MAP2: variants seen among roughly 807,000 people sequenced by gnomAD.
The protein encoded by MAP2 is microtubule-associated protein 2.
Under a neutral mutation model 137.6 loss-of-function variants are expected in MAP2, and 14 were observed. The ratio of observed to expected loss-of-function variants is 0.10; its 90% CI spans 0.07 to 0.16. The LOEUF is 0.16. MAP2 is among the 10% of genes least tolerant of loss of function. The pLI is 1.00. For synonymous variants in MAP2, 786 were observed against 782.3 expected (o/e 1.00, Z -0.08); for missense variants, 2,088 against 2,191.5 (o/e 0.95, Z 0.94).
chr2:209,666,275 A>T (rs2046269149), intron 5 of MAP2, among the ~76,000 whole-genome samples: 1 of 150,486 alleles, frequency 6.6e-6, no homozygotes, highest in East Asian at 2.0e-4. Context: ...TAAGATATTT[A>T]TTTTCTCCAG....
chr2:209,573,441 G>A (rs2074774691), intron 2 of MAP2, among the ~76,000 whole-genome samples: 2 of 151,100 alleles, frequency 1.3e-5, no homozygotes, highest in Admixed American at 1.3e-4. Context: ...TTACAGGTGT[G>A]AGCCACCACA....
At chr2:209,469,648 C>G (rs1466463667) in intron 1 of MAP2, among the ~76,000 whole-genome samples, 1 of 152,122 alleles carries the variant, frequency 6.6e-6, no homozygotes, top group African/African-American at 2.4e-5. Flanking sequence ...ACCAGTCAAC[C>G]TCTCTGCCTT....
At chr2:209,666,771 T>A (rs2046497037) in intron 5 of MAP2, among the ~76,000 whole-genome samples, 1 of 152,010 alleles carries the variant, frequency 6.6e-6, no homozygotes, top group Non-Finnish European at 1.5e-5. Flanking sequence ...AATTTTATCA[T>A]CTTATGATGG....
chr2:209,563,325 G>A (rs2072607878), intron 2 of MAP2, among the ~76,000 whole-genome samples: 1 of 152,052 alleles, frequency 6.6e-6, no homozygotes, highest in Non-Finnish European at 1.5e-5. Flanking sequence ...AATGGCTGGT[G>A]CAAAAGTGAT....
At chr2:209,509,918 T>C (rs1471626910) in intron 2 of MAP2, among the ~76,000 whole-genome samples, 1 of 151,944 alleles carries the variant, frequency 6.6e-6, no homozygotes, top group Non-Finnish European at 1.5e-5. Context: ...CAGCATTTTT[T>C]TTCCTAGTGG....
chr2:209,649,381 T>C (rs1013703980), intron 4 of MAP2, among the ~76,000 whole-genome samples: 1 of 152,088 alleles, frequency 6.6e-6, no homozygotes, highest in African/African-American at 2.4e-5. Context: ...TAATATTACA[T>C]CAGGAAGAAG....
At chr2:209,679,307 C>A (rs1481239763) in intron 6 of MAP2, among the ~76,000 whole-genome samples, 1 of 151,016 alleles carries the variant, frequency 6.6e-6, no homozygotes, top group Non-Finnish European at 1.5e-5. Flanking sequence ...CAGCCAAAGC[C>A]TTGCTGCCCC....
rs1306644530 is a variant in MAP2 at position 209,596,256 on chromosome 2, A to G, written c.-107+16156A>G. Among the ~76,000 whole-genome samples the G allele has an allele frequency of 2.6e-5, 4 of 152,190 alleles. No individual in the cohort carries two copies. In the East Asian group the frequency reaches 5.8e-4, roughly 22 times the overall value. On this transcript the variant is annotated intron_variant, in intron 3 of 15. Transcript: ENST00000682079. ...TGGAAACCATTTGCGGATATGATAA[A>G]ATGTGTATTTTCCCTAAATTATTAA...
intron 3 of MAP2, among the ~76,000 whole-genome samples, chr2:209,581,894 C>G (rs949913633): frequency 6.6e-6 from 1 of 152,088 alleles, no homozygotes; most frequent in Non-Finnish European, 1.5e-5. Context: ...AAAAATTCAT[C>G]TAGCGGTATG....
chr2:209,574,305 A>T (rs1436164147), intron 2 of MAP2, among the ~76,000 whole-genome samples: 1 of 152,140 alleles, frequency 6.6e-6, no homozygotes, highest in Non-Finnish European at 1.5e-5. Flanking sequence ...TCTCACAAAT[A>T]AGTGAGATCA....
At chr2:209,660,385 A>ATTT (rs869139522) in intron 5 of MAP2, among the ~76,000 whole-genome samples, 7 of 64,212 alleles carry the variant, frequency 1.1e-4, no homozygotes, top group Admixed American at 2.6e-4. Flanking sequence ...TGTTGCTGCA[A>ATTT]TTTTTTTTTT....
intron 3 of MAP2, among the ~76,000 whole-genome samples, chr2:209,590,082 G>T (rs1437736943): frequency 6.6e-6 from 1 of 152,072 alleles, no homozygotes; most frequent in African/African-American, 2.4e-5. Context: ...GCCATGCTCA[G>T]TGCAGCGACC....
chr2:209,521,352 A>G (rs373240206), intron 2 of MAP2, among the ~76,000 whole-genome samples: 98 of 152,096 alleles, frequency 6.4e-4, no homozygotes, highest in African/African-American at 2.2e-3. Flanking sequence ...TAATTTCAAA[A>G]TACATCAATT....
At chr2:209,535,907 T>C (rs1296733266) in intron 2 of MAP2, among the ~76,000 whole-genome samples, 2 of 152,198 alleles carry the variant, frequency 1.3e-5, no homozygotes, top group Non-Finnish European at 2.9e-5. Flanking sequence ...TGGTATTAAA[T>C]AGGTCTTTGC....
intron 2 of MAP2, among the ~76,000 whole-genome samples, chr2:209,568,304 A>G (rs181478733): frequency 6.6e-6 from 1 of 152,120 alleles, no homozygotes; most frequent in East Asian, 1.9e-4. Flanking sequence ...CAAAATAAAT[A>G]TATGCATTTT....
chr2:209,581,794 T>C (rs2076477795), intron 3 of MAP2, among the ~76,000 whole-genome samples: 1 of 152,154 alleles, frequency 6.6e-6, no homozygotes, highest in Admixed American at 6.6e-5. Flanking sequence ...TAGGAACTAA[T>C]AAGTTCTGTT....
At chr2:209,612,482 G>A (rs370587015) in intron 3 of MAP2, among the ~76,000 whole-genome samples, 4 of 152,106 alleles carry the variant, frequency 2.6e-5, no homozygotes, top group Non-Finnish European at 4.4e-5. Flanking sequence ...AGAAAAGATC[G>A]TTCCTTTATG....
intron 3 of MAP2, among the ~76,000 whole-genome samples, chr2:209,622,788 T>C (rs2091514294): frequency 6.6e-6 from 1 of 152,152 alleles, no homozygotes; most frequent in Non-Finnish European, 1.5e-5. Context: ...AGAGTATGTA[T>C]CTCTTTCTCA....
At chr2:209,511,335 T>C (rs1382228128) in intron 2 of MAP2, among the ~76,000 whole-genome samples, 1 of 152,096 alleles carries the variant, frequency 6.6e-6, no homozygotes, top group East Asian at 1.9e-4. Context: ...ATGAAGACCC[T>C]ACCTCCAACC....
Sources: allele counts gnomAD v4.1 joint callset (sites outside exome capture counted in the v4.1 genomes callset), GRCh38; gene constraint gnomAD v4.1.1; transcripts MANE v1.5; gene names NCBI Gene and HGNC (gene_info 2026-07-23, HGNC 2026-07-21).